Variants in PTPRD observed in about 807,000 individuals in gnomAD.
PTPRD encodes receptor-type tyrosine-protein phosphatase delta.
PTPRD carries 34 observed loss-of-function variants against 214.5 expected under a neutral mutation model. That is an observed-to-expected ratio of 0.16 (90% CI 0.12 to 0.21). The LOEUF (loss-of-function observed/expected upper bound fraction) is 0.21, where lower values mean the gene tolerates loss of function less well. PTPRD is among the 10% of genes least tolerant of loss of function. The pLI, the probability that PTPRD is intolerant of heterozygous loss-of-function variation, is 1.00. For missense variants in PTPRD, 2,545 were observed against 2,398.7 expected (o/e 1.06, Z -1.27); for synonymous variants, 1,128 against 845.7 (o/e 1.33, Z -5.79).
intron 3 of PTPRD, among the ~76,000 whole-genome samples, chr9:10,229,366 G>C (rs2099600365): frequency 6.6e-6 from 1 of 151,924 alleles, no homozygotes; most frequent in Admixed American, 6.6e-5. Context: ...ATACCCAAAG[G>C]ACTATAAATC....
intron 8 of PTPRD, among the ~76,000 whole-genome samples, chr9:9,513,657 C>G (rs991764306): frequency 6.6e-6 from 1 of 151,562 alleles, no homozygotes; most frequent in African/African-American, 2.4e-5. Context: ...TATTCTTCTC[C>G]TTCCCCAAAC....
chr9:9,682,956 G>T (rs2097102481), intron 7 of PTPRD, among the ~76,000 whole-genome samples: 1 of 151,750 alleles, frequency 6.6e-6, no homozygotes. Context: ...TGATGAACAA[G>T]ATATGTACAG....
At chr9:9,239,688 G>A (rs780210841) in intron 9 of PTPRD, among the ~76,000 whole-genome samples, 1 of 152,134 alleles carries the variant, frequency 6.6e-6, no homozygotes, top group Non-Finnish European at 1.5e-5. Flanking sequence ...ACAGCCTGAA[G>A]ACATTTGTGT....
At chr9:10,334,288 A>T (rs1250358112) in intron 3 of PTPRD, among the ~76,000 whole-genome samples, 1 of 151,756 alleles carries the variant, frequency 6.6e-6, no homozygotes. Flanking sequence ...TGATAGAATA[A>T]ATCAGAAAAT....
intron 12 of PTPRD, among the ~76,000 whole-genome samples, chr9:8,672,042 A>G (rs10977243): frequency 0.066 from 10,044 of 152,208 alleles, 452 homozygotes; most frequent in South Asian, 0.15. Flanking sequence ...AAACTAAATT[A>G]CCAGTTAAGG....
intron 3 of PTPRD, among the ~76,000 whole-genome samples, chr9:10,249,249 T>C (rs1351636230): frequency 3.9e-5 from 6 of 152,192 alleles, no homozygotes. Context: ...CAGTGATTGT[T>C]CACCTTGTGA....
chr9:8,491,096 G>T (rs1259049839), intron 27 of PTPRD, among the ~76,000 whole-genome samples: 2 of 152,250 alleles, frequency 1.3e-5, no homozygotes, highest in Admixed American at 6.5e-5. Context: ...CGCTCTTAAA[G>T]GAATTAAATT....
At chr9:9,313,083 T>G (rs571487173) in intron 9 of PTPRD, among the ~76,000 whole-genome samples, 1 of 152,294 alleles carries the variant, frequency 6.6e-6, no homozygotes, top group South Asian at 2.1e-4. Context: ...TTTGGGGTCT[T>G]TATTTTGAAG....
At chr9:8,558,855 G>C (rs2085026163) in intron 14 of PTPRD, among the ~76,000 whole-genome samples, 1 of 152,034 alleles carries the variant, frequency 6.6e-6, no homozygotes, top group East Asian at 1.9e-4. Context: ...GCCACAAAAT[G>C]GTGCTTGGCA....
At chr9:9,827,366 A>G (rs2053278420) in intron 5 of PTPRD, among the ~76,000 whole-genome samples, 1 of 152,100 alleles carries the variant, frequency 6.6e-6, no homozygotes, top group Admixed American at 6.6e-5. Flanking sequence ...ATCTACAGCT[A>G]TCTGATCTTT....
At chr9:9,363,880 C>T (rs1265676526) in intron 9 of PTPRD, among the ~76,000 whole-genome samples, 4 of 151,308 alleles carry the variant, frequency 2.6e-5, no homozygotes, top group Non-Finnish European at 5.9e-5. Flanking sequence ...ATTTACTTTG[C>T]ATTATAGTTT....
At chr9:9,238,182 T>C (rs1435588946) in intron 9 of PTPRD, among the ~76,000 whole-genome samples, 2 of 152,050 alleles carry the variant, frequency 1.3e-5, no homozygotes. Flanking sequence ...CTCTGTCTTC[T>C]GCATGTAGCC....
At chr9:9,747,195 G>C (rs2098466610) in intron 6 of PTPRD, among the ~76,000 whole-genome samples, 1 of 152,164 alleles carries the variant, frequency 6.6e-6, no homozygotes, top group South Asian at 2.1e-4. Context: ...GCCACTGACA[G>C]AGGTATTGGG....
chr9:9,776,861 G>A (rs916550367), intron 5 of PTPRD, among the ~76,000 whole-genome samples: 5 of 152,128 alleles, frequency 3.3e-5, no homozygotes, highest in Non-Finnish European at 5.9e-5. Flanking sequence ...AAGCCCATTC[G>A]TTAACTAGAT....
At chr9:8,683,402 G>C (rs1160034977) in intron 12 of PTPRD, among the ~76,000 whole-genome samples, 1 of 146,818 alleles carries the variant, frequency 6.8e-6, no homozygotes, top group Non-Finnish European at 1.5e-5. Flanking sequence ...AAAAAAAAAA[G>C]TGTATACATA....
intron 8 of PTPRD, among the ~76,000 whole-genome samples, chr9:9,513,918 T>C (rs2096772815): frequency 6.6e-6 from 1 of 151,966 alleles, no homozygotes; most frequent in Non-Finnish European, 1.5e-5. Flanking sequence ...AGAGTAAAAA[T>C]GTCTTGTGAA....
At chr9:8,860,689 T>C (rs1245491987) in intron 11 of PTPRD, 2 of 152,320 alleles carry the variant, frequency 1.3e-5, no homozygotes, top group African/African-American at 4.8e-5. Context: ...CAGCATCTAG[T>C]AAACTTCTGG....
intron 3 of PTPRD, among the ~76,000 whole-genome samples, chr9:10,066,402 C>T (rs1403007486): frequency 1.3e-5 from 2 of 151,782 alleles, no homozygotes; most frequent in Non-Finnish European, 2.9e-5. Context: ...TTAACCACTT[C>T]ACTAATTGAA....
intron 9 of PTPRD, among the ~76,000 whole-genome samples, chr9:9,330,937 C>T (rs1321178371): frequency 6.7e-6 from 1 of 149,716 alleles, no homozygotes; most frequent in Non-Finnish European, 1.5e-5. Flanking sequence ...ATCTTTGCAG[C>T]AATTAACAGA....
Sources: allele counts gnomAD v4.1 joint callset (sites outside exome capture counted in the v4.1 genomes callset), GRCh38; gene constraint gnomAD v4.1.1; transcripts MANE v1.5; gene names NCBI Gene and HGNC (gene_info 2026-07-23, HGNC 2026-07-21).